The following COP1 variants were observed in gnomAD, a reference collection of about 807,000 sequenced individuals.
COP1 encodes the protein COP1 E3 ubiquitin ligase, also known as E3 ubiquitin-protein ligase COP1.
A neutral mutation model predicts 101.3 loss-of-function variants in COP1; 24 were observed. The observed-to-expected ratio is 0.24, with a 90% CI of 0.17 to 0.33. The LOEUF (loss-of-function observed/expected upper bound fraction) is 0.33. COP1 is among the 10% of genes least tolerant of loss of function. COP1 has a pLI of 1.00. For missense variants in COP1, 663 were observed against 906.2 expected, an observed-to-expected ratio of 0.73 and a Z score of 3.45; for synonymous variants, 347 against 341.9, an observed-to-expected ratio of 1.01 and a Z score of -0.17.
Position 175,944,990 on chromosome 1 carries a change from A to G in COP1, c.*163T>C. 1.6e-6 allele frequency: 1 copy of G among 641,722 alleles called. No individual in the cohort carries two copies. Among genetic ancestry groups the G allele is most frequent in the Middle Eastern group, 4.1e-4 (1 of 2,464 alleles). The allele number at this position is 641,722 out of a possible 1,614,324, so 39.8% of individuals were successfully genotyped here. A position where few individuals can be genotyped will look rare whatever the true frequency, so the allele number is the denominator to read the frequency against. On this transcript the variant is annotated 3_prime_UTR_variant, in exon 20 of 20. Coordinates refer to ENST00000367669, the MANE Select transcript of COP1 (RefSeq NM_022457.7). ...GGGTATTCCCAATGTCCCAAAGGTC[A>G]TAAAGGAGGGAAAAGAAAAAAAGAA...
chr1:176,201,068 A>G (rs1217683284), intron 1 of COP1, among the ~76,000 whole-genome samples: 2 of 152,062 alleles, frequency 1.3e-5, no homozygotes, highest in Non-Finnish European at 2.9e-5. Flanking sequence ...CAAAATCAAA[A>G]ATTTTTTCAG....
intron 18 of COP1, among the ~76,000 whole-genome samples, chr1:175,973,139 A>AT (rs529169929): frequency 6.2e-4 from 95 of 152,196 alleles, no homozygotes; most frequent in African/African-American, 1.3e-3. Flanking sequence ...GCCAAGCCTT[A>AT]TTTTTTTAAC....
intron 18 of COP1, among the ~76,000 whole-genome samples, chr1:175,961,923 GT>G: frequency 6.6e-6 from 1 of 151,910 alleles, no homozygotes; most frequent in South Asian, 2.1e-4. Context: ...AAAAAAAATG[GT>G]TTTGGAATGA....
At chr1:176,007,488 G>C (rs1369062076) in intron 15 of COP1, among the ~76,000 whole-genome samples, 3 of 150,858 alleles carry the variant, frequency 2.0e-5, no homozygotes, top group African/African-American at 7.3e-5. Context: ...TCTACTTTTG[G>C]TCTTTGATGA....
At chr1:176,036,892 A>G (rs1414356675) in intron 14 of COP1, among the ~76,000 whole-genome samples, 1 of 152,202 alleles carries the variant, frequency 6.6e-6, no homozygotes, top group Non-Finnish European at 1.5e-5. Context: ...TAAGTGGAGG[A>G]GCATTTTATG....
In COP1 at chr1:176,059,490, C is replaced by CT. The variant is rs984914923; in HGVS notation, c.1278-13167dup. ...GGAGTTTGCAAAATCTTTTTTCTTT[C>CT]TTTTTTTTTTGAGACAGAGTCTCAC... On this transcript the variant is annotated intron_variant, in intron 11 of 19. Coordinates refer to ENST00000367669, the MANE Select transcript of COP1 (RefSeq NM_022457.7). Among the ~76,000 whole-genome samples the CT allele has an allele frequency of 4.0e-3, 595 of 147,474 alleles. 4 individuals are homozygous for CT. The highest frequency in any genetic ancestry group is 8.8e-3 in the Admixed American group (130 of 14,792).
chr1:176,168,755 G>A, intron 3 of COP1: 1 of 276,270 alleles, frequency 3.6e-6, no homozygotes, highest in South Asian at 3.0e-5. Context: ...CACACTGGAG[G>A]GAAGTAAGGG....
At chr1:176,160,848 A>G (rs895031713) in intron 5 of COP1, among the ~76,000 whole-genome samples, 3 of 152,194 alleles carry the variant, frequency 2.0e-5, no homozygotes, top group Non-Finnish European at 2.9e-5. Flanking sequence ...GAAGCAGTCC[A>G]GAGAGCTTCT....
chr1:176,111,936 G>C (rs547704174), intron 9 of COP1, among the ~76,000 whole-genome samples: 2 of 152,262 alleles, frequency 1.3e-5, no homozygotes, highest in African/African-American at 4.8e-5. Flanking sequence ...ACCAGCCAGT[G>C]CTCTAACAGA....
chr1:176,146,949 G>A lies in COP1; in HGVS notation c.831+2057C>T, dbSNP rs187497959. Among the ~76,000 whole-genome samples, 146 of 152,224 alleles carry A rather than the reference G, an allele frequency of 9.6e-4. 2 individuals are homozygous for A. The highest frequency in any genetic ancestry group is 3.4e-3 in the African/African-American group (140 of 41,550). On this transcript the variant is annotated intron_variant, in intron 6 of 19. Coordinates refer to ENST00000367669, the MANE Select transcript of COP1 (RefSeq NM_022457.7). The stretch of plus-strand genomic sequence containing the variant: ...ACAGTGGAATACTCATTATCCAAAT[G>A]AGTTAAATGAATCTTAACATTAAAT...
At chr1:176,110,363 T>C (rs1423241308) in intron 9 of COP1, among the ~76,000 whole-genome samples, 1 of 152,220 alleles carries the variant, frequency 6.6e-6, no homozygotes, top group East Asian at 1.9e-4. Context: ...TTATCTCCCT[T>C]GTTCACTTGT....
intron 11 of COP1, among the ~76,000 whole-genome samples, chr1:176,055,711 TA>T (rs1374822434): frequency 6.6e-6 from 1 of 152,234 alleles, no homozygotes; most frequent in African/African-American, 2.4e-5. Flanking sequence ...AAACATCTAG[TA>T]ATTTCTTCCA....
intron 15 of COP1, among the ~76,000 whole-genome samples, chr1:175,998,063 T>TAAAAAAAAAAAAA (rs57110017): frequency 5.1e-4 from 34 of 66,822 alleles, no homozygotes; most frequent in African/African-American, 2.2e-3. Flanking sequence ...AGAGTATAAT[T>TAAAAAAAAAAAAA]AAAAAAAAAA....
intron 5 of COP1, 66 bp from the exon 6 acceptor site, chr1:176,149,140 C>T (rs1212502419): frequency 4.0e-6 from 4 of 1,010,216 alleles, no homozygotes; most frequent in African/African-American, 1.6e-5. Flanking sequence ...TCTTTAACAC[C>T]ATAGCATAAA....
At chr1:176,169,339 A>G (rs968287785) in intron 3 of COP1, among the ~76,000 whole-genome samples, 2 of 152,230 alleles carry the variant, frequency 1.3e-5, no homozygotes, top group African/African-American at 4.8e-5. Context: ...TGTTTGATCA[A>G]TTGTATACTA....
In COP1 at chr1:176,008,209, C is replaced by T. The variant is rs895465631; in HGVS notation, c.1730-18730G>A. On this transcript the variant is annotated intron_variant, in intron 15 of 19. Coordinates refer to ENST00000367669, the MANE Select transcript of COP1 (RefSeq NM_022457.7). ...GCCTCGCCCTGCATCAGCTCGCGCA[C>T]GGTGCACGCACCCACTGATCTGCAC... Among the ~76,000 whole-genome samples the T allele has an allele frequency of 6.6e-5, 10 of 152,308 alleles. No homozygotes were observed. In the Middle Eastern group the frequency reaches 0.017, roughly 259 times the overall value.
intron 10 of COP1, among the ~76,000 whole-genome samples, chr1:176,081,903 G>A (rs868475173): frequency 6.6e-6 from 1 of 151,992 alleles, no homozygotes; most frequent in South Asian, 2.1e-4. Flanking sequence ...CCTTCATCAA[G>A]AAAAAATATT....
chr1:176,062,708 A>G (rs917173006), intron 11 of COP1, among the ~76,000 whole-genome samples: 1 of 152,240 alleles, frequency 6.6e-6, no homozygotes, highest in African/African-American at 2.4e-5. Flanking sequence ...TACTTTATTC[A>G]TAATAGTAAC....
chr1:176,008,363 C>G (rs935852528), intron 15 of COP1, among the ~76,000 whole-genome samples: 2 of 152,202 alleles, frequency 1.3e-5, no homozygotes, highest in African/African-American at 2.4e-5. Context: ...CATCTTTGCT[C>G]CTCCTGATTC....
Sources: allele counts gnomAD v4.1 joint callset (sites outside exome capture counted in the v4.1 genomes callset), GRCh38; gene constraint gnomAD v4.1.1; transcripts MANE v1.5; gene names NCBI Gene and HGNC (gene_info 2026-07-23, HGNC 2026-07-21).